The following SEMA3D variants were observed in gnomAD, a reference collection of about 807,000 sequenced individuals.
SEMA3D encodes semaphorin 3D.
A neutral mutation model predicts 100.1 loss-of-function variants in SEMA3D; 84 were observed. That is an observed-to-expected ratio of 0.84 (90% CI 0.70 to 1.01). The LOEUF (loss-of-function observed/expected upper bound fraction) is 1.01, where lower values mean the gene tolerates loss of function less well. Ranked by LOEUF, SEMA3D falls within the 50% of genes least tolerant of loss-of-function variation. The pLI, the probability that SEMA3D is intolerant of heterozygous loss-of-function variation, is 0.00. For synonymous variants in SEMA3D, 312 were observed against 320.7 expected, an observed-to-expected ratio of 0.97 and a Z score of 0.29; for missense variants, 875 against 934.1, an observed-to-expected ratio of 0.94 and a Z score of 0.82.
Position 85,012,305 on chromosome 7 carries a change from C to T in SEMA3D, c.1768+477G>A, listed in dbSNP as rs753694618. ...AGGACAATTACATGCACATGGAAGT[C>T]GCTTAATAAATATTTATTGATTAAG... On this transcript the variant is annotated intron_variant, in intron 17 of 18. Transcript: ENST00000284136. 3.1e-4 allele frequency among the ~76,000 whole-genome samples: 47 copies of T among 151,592 alleles called. 1 individual carries two copies. The highest frequency in any genetic ancestry group is 4.1e-4 in the South Asian group (2 of 4,820).
At chr7:85,029,549 A>G in intron 12 of SEMA3D, 1 of 556,210 alleles carries the variant, frequency 1.8e-6, no homozygotes, top group Non-Finnish European at 3.4e-6. Flanking sequence ...GCACAGCAAG[A>G]GCTGGAGAAG....
intron 2 of SEMA3D, chr7:85,141,166 A>C: frequency 1.0e-6 from 1 of 984,582 alleles, no homozygotes; most frequent in Non-Finnish European, 1.2e-6. Flanking sequence ...AGCACATTAT[A>C]ACTAGTTGCA....
intron 7 of SEMA3D, among the ~76,000 whole-genome samples, chr7:85,067,488 A>G (rs2116157014): frequency 6.6e-6 from 1 of 152,314 alleles, no homozygotes; most frequent in Non-Finnish European, 1.5e-5. Context: ...CTTCACTCTT[A>G]TCGTCTATTC....
intron 2 of SEMA3D, chr7:85,140,433 A>G (rs1790013583): frequency 1.0e-6 from 1 of 983,644 alleles, no homozygotes; most frequent in East Asian, 1.1e-4. Context: ...TGAAGGGACT[A>G]GTGATGATGG....
At chr7:85,148,155 A>C (rs893591115) in intron 2 of SEMA3D, among the ~76,000 whole-genome samples, 2 of 152,258 alleles carry the variant, frequency 1.3e-5, no homozygotes, top group Middle Eastern at 3.4e-3. Context: ...AATAAGTAAA[A>C]ATTTGAATTT....
chr7:85,164,517 G>A (rs1156270262), intron 1 of SEMA3D, among the ~76,000 whole-genome samples: 5 of 151,974 alleles, frequency 3.3e-5, no homozygotes, highest in Admixed American at 6.6e-5. Context: ...GAGCATCTCC[G>A]CAAGCTGCAT....
intron 1 of SEMA3D, among the ~76,000 whole-genome samples, chr7:85,183,389 A>G (rs1791452736): frequency 6.6e-6 from 1 of 152,210 alleles, no homozygotes; most frequent in Admixed American, 6.5e-5. Context: ...GTTTTGGAAA[A>G]GAAAAATATG....
chr7:85,202,552 G>T, the SEMA3D span, among the ~76,000 whole-genome samples: 1 of 151,932 alleles, frequency 6.6e-6, no homozygotes, highest in African/African-American at 2.4e-5. Flanking sequence ...GAGTGAACAG[G>T]CAACCTACAA....
At chr7:85,078,306 A>AGGAAGGAAGGAAAGAAGGAAGGAG (rs1405837366) in intron 5 of SEMA3D, among the ~76,000 whole-genome samples, 2 of 151,942 alleles carry the variant, frequency 1.3e-5, no homozygotes, top group East Asian at 3.9e-4. Context: ...AGAAAGTGAG[A>AGGAAGGAAGGAAAGAAGGAAGGAG]GGAAGGAAGG....
Position 85,068,225 on chromosome 7 carries a change from G to C in SEMA3D, c.555C>G (p.Phe185Leu). 1.9e-6 allele frequency: 3 copies of C among 1,608,144 alleles called. No individual in the cohort carries two copies. Among genetic ancestry groups the C allele is most frequent in the Non-Finnish European group, 2.6e-6 (3 of 1,174,746 alleles). ...CTGAAGCAAAAGGCTGCTGAGGATC[G>C]AAAGGACATTTCAGTCTGCCAGACT... ...NLESGRLKCPFDPQQPFASVM... is the reference protein window; with the variant it reads ...NLESGRLKCPLDPQQPFASVM... The change falls in exon 7 of 19, where the codon TTC (phenylalanine) becomes TTG (leucine). Residue 185 changes from phenylalanine (F) to leucine (L), a missense_variant. Transcript: ENST00000284136.
chr7:85,110,689 G>A (rs908693268), intron 3 of SEMA3D, among the ~76,000 whole-genome samples: 2 of 149,972 alleles, frequency 1.3e-5, no homozygotes, highest in Non-Finnish European at 1.5e-5. Flanking sequence ...TAGATTATCC[G>A]GCATGTCTCC....
At chr7:85,183,931 C>G (rs1791468564) in intron 1 of SEMA3D, among the ~76,000 whole-genome samples, 1 of 151,968 alleles carries the variant, frequency 6.6e-6, no homozygotes, top group African/African-American at 2.4e-5. Context: ...TAACTAATCT[C>G]AGGAAATGTT....
chr7:85,070,707 C>A (rs1032266272), intron 6 of SEMA3D, among the ~76,000 whole-genome samples: 1 of 152,168 alleles, frequency 6.6e-6, no homozygotes, highest in African/African-American at 2.4e-5. Context: ...AATTTGACTG[C>A]CCCAGGGCTT....
intron 1 of SEMA3D, among the ~76,000 whole-genome samples, chr7:85,174,710 T>C (rs905139772): frequency 1.3e-5 from 2 of 151,986 alleles, no homozygotes; most frequent in African/African-American, 2.4e-5. Flanking sequence ...AATGAAAAAA[T>C]CTTTTCCAGG....
chr7:85,050,079 ACACAC>A (rs1791119364), intron 9 of SEMA3D, among the ~76,000 whole-genome samples: 1 of 58,344 alleles, frequency 1.7e-5, no homozygotes. Flanking sequence ...GGAAACACAC[ACACAC>A]ACACACACAC....
chr7:85,072,924 C>T (rs775538255), intron 6 of SEMA3D, 38 bp downstream of exon 6: 1 of 1,485,592 alleles, frequency 6.7e-7, no homozygotes, highest in Non-Finnish European at 9.3e-7. Context: ...TAATGTATTA[C>T]AATAAATTAT....
the SEMA3D span, among the ~76,000 whole-genome samples, chr7:85,193,474 A>G: frequency 6.6e-6 from 1 of 152,084 alleles, no homozygotes; most frequent in East Asian, 1.9e-4. Context: ...TCTCGTTGGC[A>G]AAGCTACCTT....
intron 3 of SEMA3D, among the ~76,000 whole-genome samples, chr7:85,115,728 C>A (rs1789221426): frequency 6.6e-6 from 1 of 152,090 alleles, no homozygotes; most frequent in Admixed American, 6.6e-5. Flanking sequence ...ATAGAAAACA[C>A]TTCTATACTC....
chr7:85,013,083 A>G (rs1019402506), intron 16 of SEMA3D, among the ~76,000 whole-genome samples: 1 of 151,822 alleles, frequency 6.6e-6, no homozygotes, highest in Admixed American at 6.6e-5. Context: ...TTATTTAACT[A>G]CGCTTCTTTT....
Sources: gnomAD v4.1 joint callset for allele counts (sites outside exome capture counted in the v4.1 genomes callset) on GRCh38, gnomAD v4.1.1 for gene constraint, MANE v1.5 for transcripts, NCBI Gene and HGNC (gene_info 2026-07-23, HGNC 2026-07-21) for gene names.